Variants in ZNF574 observed in about 807,000 individuals in gnomAD.
ZNF574 encodes the protein zinc finger protein 574.
In ZNF574, 25 loss-of-function variants were observed where a neutral mutation model predicts 56.6. That is an observed-to-expected ratio of 0.44 (90% confidence interval 0.32 to 0.62). The LOEUF (loss-of-function observed/expected upper bound fraction) is 0.62, where lower values mean the gene tolerates loss of function less well. Ranked by LOEUF, ZNF574 falls within the 20% of genes least tolerant of loss-of-function variation. ZNF574 has a pLI of 0.04. For synonymous variants in ZNF574, 543 were observed against 492.1 expected (o/e 1.10, Z -1.37); for missense variants, 1,065 against 1,218.9 (o/e 0.87, Z 1.88).
intron 1 of ZNF574, among the ~76,000 whole-genome samples, chr19:42,076,814 A>G (rs920612152): frequency 2.0e-4 from 31 of 152,100 alleles, no homozygotes; most frequent in African/African-American, 7.5e-4. Flanking sequence ...TCCCCAAGGG[A>G]ACGGTTTAGA....
Position 42,080,036 on chromosome 19 carries a change from A to G in ZNF574, c.1430A>G (p.Lys477Arg), listed in dbSNP as rs760488955. ...RCLLCSREFG[K>R]ALQLTRHQRF... ...CTCCTGTGCAGCCGTGAATTTGGAA[A>G]GGCCTTGCAGCTGACCCGGCACCAA... is the stretch of plus-strand genomic sequence containing the variant. Residue 477 changes from lysine to arginine, a missense_variant, in exon 2 of 2, where the codon AAG (lysine) becomes AGG (arginine). By Grantham distance (26) the Lys-to-Arg change is conservative. Transcript: ENST00000359044. This position sits in a 1 kb window ranked among gnomAD's most constrained non-coding sequence, Gnocchi z 8.5. The G allele has an allele frequency of 2.5e-6, 4 of 1,614,136 alleles. No individual in the cohort carries two copies. The highest frequency in any genetic ancestry group is 2.7e-5 in the African/African-American group (2 of 75,048).
At chr19:42,069,738 A>C in intron 1 of ZNF574, among the ~76,000 whole-genome samples, 2 of 92,928 alleles carry the variant, frequency 2.2e-5, no homozygotes, top group Non-Finnish European at 4.5e-5. Context: ...CTGCTGGGGG[A>C]GGGGGCCGCC....
rs531245883 is a variant in ZNF574, at chr19:42,079,680, T to C, written c.1074T>C (p.His358=). 22 of 1,614,068 alleles carry C rather than the reference T, an allele frequency of 1.4e-5. No homozygotes were observed. Among genetic ancestry groups the C allele is most frequent in the Non-Finnish European group, 9.3e-6 (11 of 1,180,012 alleles). ...PSSLDQHLGD[H]SSESHFLCVD... is the part of the protein sequence containing the mutation. ...GTCTGGACCAGCACCTTGGAGACCA[T>C]AGCAGCGAGTCACACTTCCTGTGTG... is the stretch of plus-strand genomic sequence containing the variant. The change falls in exon 2 of 2, where the codon CAT becomes CAC. Residue 358 remains histidine (H), a synonymous_variant. Coordinates refer to ENST00000359044, the MANE Select transcript of ZNF574 (RefSeq NM_022752.6). This position sits in a 1 kb window ranked among gnomAD's most constrained non-coding sequence, Gnocchi z 4.3.
chr19:42,078,640 A>T lies in ZNF574; in HGVS notation c.34A>T (p.Ile12Phe), dbSNP rs778504557. Reference protein sequence around the residue: ...TEESEETVLYIEHRYVCSECN... With the variant: ...TEESEETVLYFEHRYVCSECN... ...GGAATCAGAGGAGACAGTCCTGTAC[A>T]TTGAGCACCGCTATGTCTGCTCTGA... The change falls in exon 2 of 2, where the codon ATT becomes TTT. Residue 12 changes from isoleucine (I) to phenylalanine (F), a missense_variant. Coordinates refer to ENST00000359044, the MANE Select transcript of ZNF574 (RefSeq NM_022752.6). 2 of 1,613,964 alleles carry T rather than the reference A, an allele frequency of 1.2e-6. No individual in the cohort carries two copies. The highest frequency in any genetic ancestry group is 2.2e-5 in the South Asian group (2 of 91,076).
At chr19:42,072,000 T>C (rs1232051311), upstream of ZNF574, among the ~76,000 whole-genome samples, 1 of 149,032 alleles carries the variant, frequency 6.7e-6, no homozygotes, top group Non-Finnish European at 1.5e-5. Context: ...CGAGACTCCA[T>C]CTCCAAAAAA....
At position 42,079,152 on chromosome 19, in the gene ZNF574, A is replaced by G; in HGVS notation, c.546A>G (p.Ser182=). 6.2e-7 allele frequency: 1 copy of G among 1,614,014 alleles called. No homozygotes were observed. Among genetic ancestry groups the G allele is most frequent in the Non-Finnish European group, 8.5e-7 (1 of 1,179,990 alleles). The change falls in exon 2 of 2, where the codon TCA becomes TCG. Residue 182 remains serine (S), a synonymous_variant. Coordinates refer to ENST00000359044, the MANE Select transcript of ZNF574 (RefSeq NM_022752.6). This position sits in a 1 kb window ranked among gnomAD's most constrained non-coding sequence, Gnocchi z 4.3. ...AGGCCCGAGTGGCTGTGGAGCACTC[A>G]TACCGAAAGGCAGAAGAGGGTGGGG... The part of the protein sequence containing the change: ...VGQARVAVEH[S]YRKAEEGGEG...
At position 42,078,809 on chromosome 19, in the gene ZNF574, A is replaced by C. The variant is rs143729778; in HGVS notation, c.203A>C (p.Gln68Pro). 5.6e-6 allele frequency: 9 copies of C among 1,614,050 alleles called. No individual in the cohort carries two copies. The African/African-American group carries it at 1.2e-4, about 22-fold the overall frequency. ...TDTASGTGLYQTLVQESQYQC... is the reference protein window; with the variant it reads ...TDTASGTGLYPTLVQESQYQC... The stretch of plus-strand genomic sequence containing the variant: ...ACAGCTTCAGGCACGGGCCTCTATC[A>C]GACCCTTGTGCAGGAGAGCCAGTAC... The change falls in exon 2 of 2, where the codon CAG (glutamine) becomes CCG (proline). Residue 68 changes from glutamine to proline, a missense_variant. Coordinates refer to ENST00000359044, the MANE Select transcript of ZNF574 (RefSeq NM_022752.6).
chr19:42,071,720 T>C (rs978040478), upstream of ZNF574, among the ~76,000 whole-genome samples: 1 of 151,984 alleles, frequency 6.6e-6, no homozygotes, highest in African/African-American at 2.4e-5. Flanking sequence ...ACACCATCCT[T>C]TCGACCAGGG....
In ZNF574 at chr19:42,078,629, CAG is replaced by C; in HGVS notation, c.24_25del (p.Val9ProfsTer4). Reference sequence around the variant, plus strand: ...GCCATGACTGAGGAATCAGAGGAGACAGTCCTGTACATTGAGCACCGCTATGT... The same window carrying C: ...GCCATGACTGAGGAATCAGAGGAGACTCCTGTACATTGAGCACCGCTATGT... On this transcript the variant is annotated frameshift_variant, in exon 2 of 2. Coordinates refer to ENST00000359044, the MANE Select transcript of ZNF574 (RefSeq NM_022752.6). LOFTEE classifies it high-confidence loss of function. 6.2e-7 allele frequency: 1 copy of C among 1,612,794 alleles called. No individual in the cohort carries two copies. The highest frequency in any genetic ancestry group is 8.5e-7 in the Non-Finnish European group (1 of 1,179,062).
chr19:42,078,490 G>A, intron 1 of ZNF574, 97 bp from the exon 2 acceptor site: 2 of 1,048,258 alleles, frequency 1.9e-6, no homozygotes, highest in South Asian at 3.1e-5. Flanking sequence ...GAACTTAAGG[G>A]GGTGTAGATC....
At chr19:42,076,799 C>G (rs2076459363) in intron 1 of ZNF574, among the ~76,000 whole-genome samples, 1 of 151,878 alleles carries the variant, frequency 6.6e-6, no homozygotes, top group Non-Finnish European at 1.5e-5. Flanking sequence ...ATTAGGAAAT[C>G]GATATCCCCA....
rs868105506 is a variant in ZNF574, at chr19:42,080,791, C to T, written c.2185C>T (p.Pro729Ser). Residue 729 changes from proline (P) to serine (S), a missense_variant, in exon 2 of 2, where the codon CCT becomes TCT. Transcript: ENST00000359044. The surrounding 1 kb of genome is among the most constrained non-coding windows in gnomAD (Gnocchi z 8.5). The stretch of plus-strand genomic sequence containing the variant: ...CCTTGGAAGCACTGCTACAGCATCC[C>T]CTGCGGCCCCTGCCCGCCGCCGGGG... Reference protein sequence around the residue: ...AALGSTATASPAAPARRRGLE... With the variant: ...AALGSTATASSAAPARRRGLE... 3 of 1,613,938 alleles carry T rather than the reference C, an allele frequency of 1.9e-6. No individual in the cohort carries two copies. The African/African-American group carries it at 4.0e-5, about 22-fold the overall frequency.
chr19:42,078,484 T>C, intron 1 of ZNF574, 103 bp from the exon 2 acceptor site: 2 of 1,029,288 alleles, frequency 1.9e-6, no homozygotes, highest in Non-Finnish European at 2.9e-6. Flanking sequence ...AAGGAAGAAC[T>C]TAAGGGGGTG....
chr19:42,081,412 T>G lies in ZNF574; in HGVS notation c.*115T>G. On this transcript the variant is annotated 3_prime_UTR_variant, in exon 2 of 2. Coordinates refer to ENST00000359044, the MANE Select transcript of ZNF574 (RefSeq NM_022752.6). ...TCCTCTTCCCATCCCCACCACCTTG[T>G]AAGTTCTAAATTGGATTTATTCTCT... The G allele has an allele frequency of 7.3e-7, 1 of 1,373,532 alleles. No homozygotes were observed. Among genetic ancestry groups the G allele is most frequent in the Non-Finnish European group, 1.0e-6 (1 of 973,872 alleles). 85.1% of individuals were successfully genotyped at this position (1,373,532 alleles called of 1,614,324 possible). A position where few individuals can be genotyped will look rare whatever the true frequency, so the allele number is the denominator to read the frequency against.
rs74727158 is a variant in ZNF574 at position 42,080,901 on chromosome 19, A to T, written c.2295A>T (p.Pro765=). The T allele has an allele frequency of 1.9e-6, 3 of 1,613,810 alleles. No individual in the cohort carries two copies. The highest frequency in any genetic ancestry group is 4.5e-5 in the East Asian group (2 of 44,878). The change falls in exon 2 of 2, where the codon CCA becomes CCT. Residue 765 remains proline, a synonymous_variant. Transcript: ENST00000359044. The surrounding 1 kb of genome is among the most constrained non-coding windows in gnomAD (Gnocchi z 8.5). The part of the protein sequence containing the change: ...VHRRIHTGER[P]YPCPDCGKAF... Reference sequence around the variant, plus strand: ...GGCGCATCCACACAGGTGAGCGGCCATACCCATGTCCAGACTGTGGCAAAG... The same window carrying T: ...GGCGCATCCACACAGGTGAGCGGCCTTACCCATGTCCAGACTGTGGCAAAG...
chr19:42,079,919 C>A lies in ZNF574; in HGVS notation c.1313C>A (p.Ala438Asp). The change falls in exon 2 of 2, where the codon GCC becomes GAC. Residue 438 changes from alanine (A) to aspartate (D), a missense_variant. Ala to Asp is a moderately radical substitution (Grantham distance 126). Transcript: ENST00000359044. The surrounding 1 kb of genome is among the most constrained non-coding windows in gnomAD (Gnocchi z 4.3). ...EEPVIGFPEP[A>D]PAETGEPEAP... The stretch of plus-strand genomic sequence containing the variant: ...CCTGTCATTGGTTTCCCTGAGCCAG[C>A]CCCAGCAGAGACTGGAGAGCCAGAG... 1 of 1,613,942 alleles carries A rather than the reference C, an allele frequency of 6.2e-7. No individual in the cohort carries two copies. Among genetic ancestry groups the A allele is most frequent in the Non-Finnish European group, 8.5e-7 (1 of 1,180,026 alleles).
upstream of ZNF574, among the ~76,000 whole-genome samples, chr19:42,071,519 G>T (rs907383519): frequency 2.0e-5 from 3 of 151,942 alleles, no homozygotes. Context: ...TGGCATGTGG[G>T]GCATCCTGGA....
chr19:42,081,454 T>C lies in ZNF574; in HGVS notation c.*157T>C. On this transcript the variant is annotated 3_prime_UTR_variant, in exon 2 of 2. Transcript: ENST00000359044. ...TTATTCTCTCGTGAGGGGGGTGCTC[T>C]GGGGTCCTTGACACACATAAAGGTG... 1.0e-6 allele frequency: 1 copy of C among 1,001,288 alleles called. No homozygotes were observed. The highest frequency in any genetic ancestry group is 1.6e-5 in the African/African-American group (1 of 62,624). 62.0% of individuals were successfully genotyped at this position (1,001,288 alleles called of 1,614,324 possible).
chr19:42,073,586 C>T (rs968368201), upstream of ZNF574, among the ~76,000 whole-genome samples: 3 of 150,254 alleles, frequency 2.0e-5, no homozygotes, highest in Admixed American at 6.6e-5. Context: ...TTTGGGAGGT[C>T]AAGGTAGATG....
Sources: allele counts gnomAD v4.1 joint callset (sites outside exome capture counted in the v4.1 genomes callset), GRCh38; gene constraint gnomAD v4.1.1; non-coding constraint Gnocchi (gnomAD v3.1); transcripts MANE v1.5; gene names NCBI Gene and HGNC (gene_info 2026-07-23, HGNC 2026-07-21).